The following PRKX variants were observed in gnomAD, a reference collection of about 807,000 sequenced individuals.
PRKX encodes cAMP-dependent protein kinase catalytic subunit PRKX.
PRKX carries 12 observed loss-of-function variants against 22.0 expected under a neutral mutation model. That is an observed-to-expected ratio of 0.54 (90% confidence interval 0.35 to 0.88). The LOEUF (loss-of-function observed/expected upper bound fraction) is 0.88. Among genes scored for constraint, PRKX ranks in the 40% least tolerant of loss-of-function variants. PRKX has a pLI of 0.01. For missense variants in PRKX, 217 were observed against 308.0 expected, an observed-to-expected ratio of 0.70 and a Z score of 2.21; for synonymous variants, 134 against 137.7, an observed-to-expected ratio of 0.97 and a Z score of 0.19.
At chrX:3,639,572 G>C (rs1217382563) in intron 4 of PRKX, among the ~76,000 whole-genome samples, 1 of 92,842 alleles carries the variant, frequency 1.1e-5, no homozygotes, top group Non-Finnish European at 2.1e-5. Context: ...GGGTTGGGGG[G>C]TAGGTGGGTG....
intron 4 of PRKX, among the ~76,000 whole-genome samples, chrX:3,631,515 CG>C (rs1464107867): frequency 9.0e-6 from 1 of 110,731 alleles, no homozygotes; most frequent in African/African-American, 3.3e-5. Context: ...ACTGGATACA[CG>C]TGTAGTGGAT....
chrX:3,684,265 C>G (rs1392703785), intron 1 of PRKX, among the ~76,000 whole-genome samples: 1 of 111,689 alleles, frequency 9.0e-6, no homozygotes, highest in Non-Finnish European at 1.9e-5. Flanking sequence ...AAAACAAAAA[C>G]AAACAAACGA....
intron 1 of PRKX, among the ~76,000 whole-genome samples, chrX:3,704,393 G>A (rs1051776274): frequency 2.7e-5 from 3 of 112,089 alleles, no homozygotes; most frequent in Non-Finnish European, 5.6e-5. Context: ...GGCAGGGCGT[G>A]GTGGCTCACG....
intron 1 of PRKX, among the ~76,000 whole-genome samples, chrX:3,683,483 G>T (rs1361943294): frequency 9.1e-6 from 1 of 110,428 alleles, no homozygotes; most frequent in African/African-American, 3.3e-5. Context: ...ACGCAGAGCC[G>T]CCCCAAACAT....
chrX:3,671,675 G>A lies in PRKX; in HGVS notation c.335+2923C>T, dbSNP rs771290028. Reference sequence around the variant, plus strand: ...CCTCTTCAAAAGCTGTCACGGTGCAGAGAAATTTCACTCCTTAAAAGTTAG... The same window carrying A: ...CCTCTTCAAAAGCTGTCACGGTGCAAAGAAATTTCACTCCTTAAAAGTTAG... On this transcript the variant is annotated intron_variant, in intron 2 of 8. Transcript: ENST00000262848. 7.2e-5 allele frequency among the ~76,000 whole-genome samples: 8 copies of A among 111,555 alleles called. 1 individual carries two copies. In the South Asian group the frequency reaches 2.3e-3, roughly 32 times the overall value.
In PRKX at chrX:3,713,415, G is replaced by A; in HGVS notation, c.-162C>T. 2.6e-6 allele frequency: 1 copy of A among 386,477 alleles called. No homozygotes were observed. Among genetic ancestry groups the A allele is most frequent in the South Asian group, 1.5e-4 (1 of 6,704 alleles). 31.9% of individuals were successfully genotyped at this position (386,477 alleles called of 1,213,427 possible). On this transcript the variant is annotated 5_prime_UTR_variant, in exon 1 of 9. Transcript: ENST00000262848. ...CGCGGTCCGGCGCGGCTGACGGAGC[G>A]ACGGGGACAATGGCTGGGCGGCGCT...
chrX:3,667,193 C>T (rs1475507887), intron 2 of PRKX: 2 of 111,686 alleles, frequency 1.8e-5, no homozygotes, highest in Non-Finnish European at 3.8e-5. Context: ...ATCCGCGAAG[C>T]TGATCTGCAG....
At chrX:3,690,491 G>A (rs1928300575) in intron 1 of PRKX, among the ~76,000 whole-genome samples, 1 of 112,501 alleles carries the variant, frequency 8.9e-6, no homozygotes, top group East Asian at 2.8e-4. Context: ...CCCACAGTTG[G>A]GAAGCCAAGG....
chrX:3,684,401 G>A (rs1339982913), intron 1 of PRKX, among the ~76,000 whole-genome samples: 1 of 111,262 alleles, frequency 9.0e-6, no homozygotes, highest in African/African-American at 3.3e-5. Context: ...ATATTCTGAG[G>A]TGCATAAAGA....
intron 1 of PRKX, among the ~76,000 whole-genome samples, chrX:3,700,748 G>GTTTGT (rs1377625945): frequency 5.4e-5 from 3 of 55,392 alleles, no homozygotes; most frequent in African/African-American, 3.5e-4. Flanking sequence ...CCAGCTAATT[G>GTTTGT]TTTGTTGTTG....
At chrX:3,667,291 C>T (rs1231267161) in intron 2 of PRKX, 1 of 111,786 alleles carries the variant, frequency 8.9e-6, no homozygotes, top group African/African-American at 3.3e-5. Flanking sequence ...GGCAAATCAG[C>T]CTCACTAATT....
intron 1 of PRKX, among the ~76,000 whole-genome samples, chrX:3,706,647 G>C (rs73625741): frequency 0.065 from 7,208 of 111,725 alleles, 466 homozygotes; most frequent in African/African-American, 0.2. Flanking sequence ...CTGGTGGGGG[G>C]TGTCTGCTGC....
At chrX:3,649,110 G>A (rs935295608) in intron 3 of PRKX, among the ~76,000 whole-genome samples, 7 of 111,271 alleles carry the variant, frequency 6.3e-5, no homozygotes, top group Non-Finnish European at 9.4e-5. Context: ...TTCCAGCACC[G>A]ACATGAGGCT....
chrX:3,699,620 C>T (rs946851834), intron 1 of PRKX, among the ~76,000 whole-genome samples: 1 of 112,370 alleles, frequency 8.9e-6, no homozygotes, highest in Non-Finnish European at 1.9e-5. Flanking sequence ...TCCCAAAGTG[C>T]TGGGATGACA....
intron 2 of PRKX, among the ~76,000 whole-genome samples, chrX:3,670,709 T>C (rs1927830829): frequency 9.0e-6 from 1 of 110,678 alleles, no homozygotes; most frequent in African/African-American, 3.3e-5. Flanking sequence ...CACACCCAGC[T>C]AATTTTTGTA....
intron 1 of PRKX, among the ~76,000 whole-genome samples, chrX:3,708,696 C>T (rs1928728699): frequency 9.1e-6 from 1 of 109,846 alleles, no homozygotes; most frequent in African/African-American, 3.3e-5. Flanking sequence ...GAAACCCCAT[C>T]TCTACTAAAA....
intron 1 of PRKX, among the ~76,000 whole-genome samples, chrX:3,711,890 G>A (rs1351275659): frequency 9.0e-6 from 1 of 110,521 alleles, no homozygotes; most frequent in East Asian, 2.8e-4. Flanking sequence ...AAAAGAGAGA[G>A]AGAATGAGAT....
intron 2 of PRKX, among the ~76,000 whole-genome samples, chrX:3,661,088 T>G (rs1245745591): frequency 9.0e-6 from 1 of 110,818 alleles, no homozygotes; most frequent in Non-Finnish European, 1.9e-5. Context: ...ATATATGAAA[T>G]GGAGACATCA....
At chrX:3,673,635 G>A (rs1927891450) in intron 2 of PRKX, among the ~76,000 whole-genome samples, 1 of 110,864 alleles carries the variant, frequency 9.0e-6, no homozygotes, top group Admixed American at 9.6e-5. Context: ...ATGGCGGAGG[G>A]AAGACGTGGG....
Sources: allele counts gnomAD v4.1 joint callset (sites outside exome capture counted in the v4.1 genomes callset), GRCh38; gene constraint gnomAD v4.1.1; transcripts MANE v1.5; gene names NCBI Gene and HGNC (gene_info 2026-07-23, HGNC 2026-07-21).